ZNF611: variants seen among roughly 807,000 people sequenced by gnomAD.
ZNF611 encodes zinc finger protein 611.
In ZNF611, 6 loss-of-function variants were observed where a neutral mutation model predicts 8.9. The observed-to-expected ratio is 0.68, with a 90% CI of 0.37 to 1.34. The LOEUF (loss-of-function observed/expected upper bound fraction) is 1.34. Ranked by LOEUF, ZNF611 falls within the 40% of genes most tolerant of loss-of-function variation. The pLI is 0.02. For missense variants in ZNF611, 874 were observed against 841.3 expected, an observed-to-expected ratio of 1.04 and a Z score of -0.48; for synonymous variants, 262 against 279.7, an observed-to-expected ratio of 0.94 and a Z score of 0.63.
Position 52,705,375 on chromosome 19 carries a change from A to G in ZNF611, c.1680T>C (p.His560=), listed in dbSNP as rs151210254. The stretch of plus-strand genomic sequence containing the variant: ...TACACTTGTAAGGTTTCTCTCCACT[A>G]TGAATTCTAGTATGTTTTGCCAGAT... The part of the protein sequence containing the change: ...HSYLAKHTRI[H]SGEKPYKCNE... The change falls in exon 6 of 6, where the codon CAT becomes CAC. Residue 560 remains histidine (H), a synonymous_variant. Transcript: ENST00000652185. 5.0e-6 allele frequency: 8 copies of G among 1,613,926 alleles called. No homozygotes were observed. In the African/African-American group the frequency reaches 9.3e-5, roughly 19 times the overall value.
At chr19:52,718,574 G>T (rs145784910) in intron 3 of ZNF611, among the ~76,000 whole-genome samples, 3 of 151,656 alleles carry the variant, frequency 2.0e-5, no homozygotes, top group African/African-American at 7.3e-5. Flanking sequence ...TGAGGTGGGA[G>T]GATCACCTGA....
In ZNF611 at chr19:52,714,050, A is replaced by T. The variant is rs758557894; in HGVS notation, c.155T>A (p.Val52Glu). The T allele has an allele frequency of 6.2e-7, 1 of 1,613,966 alleles. No homozygotes were observed. The highest frequency in any genetic ancestry group is 1.3e-5 in the African/African-American group (1 of 74,946). Residue 52 changes from valine (V) to glutamate (E), a missense_variant, in exon 5 of 6, where the codon GTG (valine) becomes GAG (glutamate). By Grantham distance (121) the Val-to-Glu change is moderately radical. Coordinates refer to ENST00000652185, the MANE Select transcript of ZNF611 (RefSeq NM_001161499.2). ...NPSQRALYRE[V>E]MLENYRNLEA... ...CAGGTTCCTGTAGTTCTCCAACATC[A>T]CTTCCCTGTACAAAGCCCTCTGTGA...
chr19:52,734,466 A>G (rs2062444765), intron 1 of ZNF611, among the ~76,000 whole-genome samples: 1 of 150,080 alleles, frequency 6.7e-6, no homozygotes, highest in Admixed American at 6.7e-5. Flanking sequence ...TGCAGGTTCA[A>G]TGAAAGCGGT....
chr19:52,705,530 G>T lies in ZNF611; in HGVS notation c.1525C>A (p.Pro509Thr), dbSNP rs1194041533. The T allele has an allele frequency of 6.2e-7, 1 of 1,613,632 alleles. No homozygotes were observed. The highest frequency in any genetic ancestry group is 1.7e-5 in the Admixed American group (1 of 59,922). ...IHKSIHTGEQ[P>T]YKCDECEKVF... ...TTTTCACATTCATCACATTTGTAAG[G>T]TTGCTCCCCAGTATGAATTGACTTA... The change falls in exon 6 of 6, where the codon CCT becomes ACT. Residue 509 changes from proline (P) to threonine (T), a missense_variant. Pro to Thr is a conservative substitution (Grantham distance 38). Coordinates refer to ENST00000652185, the MANE Select transcript of ZNF611 (RefSeq NM_001161499.2).
chr19:52,728,573 AC>A (rs138842352), intron 3 of ZNF611, among the ~76,000 whole-genome samples, 156 bp downstream of exon 3: 5,602 of 152,186 alleles, frequency 0.037, 310 homozygotes, highest in African/African-American at 0.12. Context: ...AAAGAATACT[AC>A]CCTCAGAAAA....
intron 5 of ZNF611, 57 bp downstream of exon 5, chr19:52,713,958 G>T: frequency 1.2e-6 from 2 of 1,600,418 alleles, no homozygotes; most frequent in Non-Finnish European, 8.5e-7. Context: ...ACAAAGCCAG[G>T]ATGAGCCAAG....
chr19:52,730,772 C>T (rs553607892), intron 1 of ZNF611, among the ~76,000 whole-genome samples: 37 of 151,166 alleles, frequency 2.4e-4, no homozygotes, highest in Non-Finnish European at 4.4e-4. Context: ...TTAGTAGAGA[C>T]GGGGTTTCTC....
intron 5 of ZNF611, among the ~76,000 whole-genome samples, chr19:52,710,613 C>T (rs1331761163): frequency 6.6e-6 from 1 of 152,172 alleles, no homozygotes; most frequent in Non-Finnish European, 1.5e-5. Flanking sequence ...CATCTACCCA[C>T]CTCAGCCTTT....
At chr19:52,729,696 C>T (rs1232927999) in intron 2 of ZNF611, 1 of 151,966 alleles carries the variant, frequency 6.6e-6, no homozygotes, top group Non-Finnish European at 1.5e-5. Context: ...AGTCAGTAAA[C>T]TATTGTAACC....
chr19:52,728,647 AAT>A (rs2062406744), intron 3 of ZNF611, 81 bp downstream of exon 3: 1 of 152,184 alleles, frequency 6.6e-6, no homozygotes, highest in African/African-American at 2.4e-5. Context: ...AAGGAAAGAA[AAT>A]CTCTTTCTTT....
chr19:52,729,685 T>C (rs1283389123), intron 2 of ZNF611: 1 of 152,114 alleles, frequency 6.6e-6, no homozygotes, highest in Non-Finnish European at 1.5e-5. Context: ...TCTTAAATAT[T>C]AGTCAGTAAA....
Position 52,705,127 on chromosome 19 carries a change from A to C in ZNF611, c.1928T>G (p.Leu643Arg), listed in dbSNP as rs2062230769. The change falls in exon 6 of 6, where the codon CTT becomes CGT. Residue 643 changes from leucine (L) to arginine (R), a missense_variant. By Grantham distance (102) the Leu-to-Arg change is moderately radical. Coordinates refer to ENST00000652185, the MANE Select transcript of ZNF611 (RefSeq NM_001161499.2). ...HCSSLIYHRRLHTGEKSYKCT... is the reference protein window; with the variant it reads ...HCSSLIYHRRRHTGEKSYKCT... ...TTTGTAAGATTTCTCTCCAGTATGA[A>C]GTCTACGATGGTATATAAGGGATGA... 1 of 1,613,832 alleles carries C rather than the reference A, an allele frequency of 6.2e-7. No individual in the cohort carries two copies. Among genetic ancestry groups the C allele is most frequent in the South Asian group, 1.1e-5 (1 of 91,076 alleles).
Position 52,715,842 on chromosome 19 carries a change from G to GCCAT in ZNF611, c.49_52dup (p.Ala18AspfsTer78), listed in dbSNP as rs2062313157. 6.2e-7 allele frequency: 1 copy of GCCAT among 1,612,430 alleles called. No individual in the cohort carries two copies. Among genetic ancestry groups the GCCAT allele is most frequent in the Admixed American group, 1.7e-5 (1 of 59,996 alleles). Reference sequence around the variant, plus strand: ...GGAATATCACTTCACCTGAGGAAGAGCCATGCCTGGCTCCTTTCCTTTCCT... The same window carrying GCCAT: ...GGAATATCACTTCACCTGAGGAAGAGCCATCCATGCCTGGCTCCTTTCCTTTCCT... On this transcript the variant is annotated frameshift_variant, in exon 4 of 6. Coordinates refer to ENST00000652185, the MANE Select transcript of ZNF611 (RefSeq NM_001161499.2). LOFTEE classifies it high-confidence loss of function.
intron 5 of ZNF611, among the ~76,000 whole-genome samples, chr19:52,711,585 A>G (rs1259968105): frequency 6.6e-6 from 1 of 152,242 alleles, no homozygotes; most frequent in Admixed American, 6.5e-5. Flanking sequence ...AGAAAGAAGT[A>G]CATCAAGGGG....
intron 3 of ZNF611, among the ~76,000 whole-genome samples, chr19:52,725,960 G>A (rs1028072288): frequency 6.6e-6 from 1 of 152,242 alleles, no homozygotes; most frequent in Admixed American, 6.5e-5. Context: ...GGAGGTGAGA[G>A]CGGCCAGGAA....
intron 5 of ZNF611, among the ~76,000 whole-genome samples, chr19:52,712,476 A>AC (rs1339658405): frequency 6.8e-6 from 1 of 147,558 alleles, no homozygotes; most frequent in African/African-American, 2.5e-5. Flanking sequence ...AAAAAAAAAA[A>AC]AAAAAAAAAA....
At chr19:52,713,966 A>G in intron 5 of ZNF611, 49 bp downstream of exon 5, 8 of 1,608,350 alleles carry the variant, frequency 5.0e-6, no homozygotes, top group Non-Finnish European at 6.8e-6. Context: ...AGGATGAGCC[A>G]AGATAGACAA....
intron 5 of ZNF611, among the ~76,000 whole-genome samples, chr19:52,713,613 T>A (rs1322099226): frequency 6.6e-6 from 1 of 152,024 alleles, no homozygotes; most frequent in Non-Finnish European, 1.5e-5. Flanking sequence ...CAGAATGAGC[T>A]GGGCATGGTG....
chr19:52,723,861 G>A (rs888046356), intron 3 of ZNF611: 3 of 152,230 alleles, frequency 2.0e-5, no homozygotes, highest in African/African-American at 7.2e-5. Context: ...TTTAAGGAAA[G>A]ATGCTGTACC....
Sources: gnomAD v4.1 joint callset for allele counts (sites outside exome capture counted in the v4.1 genomes callset) on GRCh38, gnomAD v4.1.1 for gene constraint, MANE v1.5 for transcripts, NCBI Gene and HGNC (gene_info 2026-07-23, HGNC 2026-07-21) for gene names.